Variants in TTC28 observed in about 807,000 individuals in gnomAD.
The protein encoded by TTC28 is tetratricopeptide repeat domain 28, also known as tetratricopeptide repeat protein 28.
Under a neutral mutation model 198.0 loss-of-function variants are expected in TTC28, and 61 were observed. The observed-to-expected ratio is 0.31, with a 90% CI of 0.25 to 0.38. The LOEUF is 0.38. TTC28 is among the 10% of genes least tolerant of loss of function. The pLI, the probability that TTC28 is intolerant of heterozygous loss-of-function variation, is 1.00. For synonymous variants in TTC28, 1,171 were observed against 1,297.8 expected (o/e 0.90, Z 2.10); for missense variants, 2,678 against 3,164.0 (o/e 0.85, Z 3.69).
At chr22:28,077,255 T>A in intron 12 of TTC28, among the ~76,000 whole-genome samples, 1 of 152,220 alleles carries the variant, frequency 6.6e-6, no homozygotes, top group Admixed American at 6.5e-5. Context: ...CTCTTGGATA[T>A]TACACCTCAA....
Position 28,127,634 on chromosome 22 carries a change from A to G in TTC28, c.1442-19231T>C, listed in dbSNP as rs185941333. ...TTTCATATTGATTACATGGTGAAAT[A>G]ATATTTTTATATACTGGGTTAATAA... On this transcript the variant is annotated intron_variant, in intron 6 of 22. Coordinates refer to ENST00000397906, the MANE Select transcript of TTC28 (RefSeq NM_001145418.2). Among the ~76,000 whole-genome samples the G allele has an allele frequency of 6.2e-4, 95 of 152,380 alleles. 1 individual carries two copies. The highest frequency in any genetic ancestry group is 5.4e-3 in the Admixed American group (82 of 15,308).
At chr22:27,993,221 A>G in intron 18 of TTC28, 66 bp downstream of exon 18, 1 of 1,383,530 alleles carries the variant, frequency 7.2e-7, no homozygotes, top group Non-Finnish European at 9.6e-7. Flanking sequence ...GCGGGGCCCA[A>G]GGCCACCAAC....
At chr22:28,017,337 C>A (rs1022414410) in intron 13 of TTC28, among the ~76,000 whole-genome samples, 8 of 152,376 alleles carry the variant, frequency 5.3e-5, no homozygotes, top group Non-Finnish European at 1.2e-4. Context: ...CGTGATGTGC[C>A]AGGCACCATG....
rs1484367116 is a variant in TTC28, at chr22:28,107,482, C to T, written c.2363G>A (p.Ser788Asn). Residue 788 changes from serine to asparagine, a missense_variant, in exon 7 of 23, where the codon AGT (serine) becomes AAT (asparagine). Ser to Asn is a conservative substitution (Grantham distance 46). Around this residue, in one of 8 missense-constraint regions of TTC28, gnomAD observed 775 missense variants for 845.9 expected, o/e 0.92. Coordinates refer to ENST00000397906, the MANE Select transcript of TTC28 (RefSeq NM_001145418.2). ...TQELEVYQEL[S>N]DLPGECRAHG... ...AGCTCTGCACTCCCCTGGCAAGTCA[C>T]TCAGCTCCTGATATACCTCCAGTTC... 1 of 1,551,664 alleles carries T rather than the reference C, an allele frequency of 6.4e-7. No individual in the cohort carries two copies. Among genetic ancestry groups the T allele is most frequent in the Non-Finnish European group, 8.7e-7 (1 of 1,147,028 alleles).
intron 2 of TTC28, among the ~76,000 whole-genome samples, chr22:28,509,551 A>G (rs1431772136): frequency 6.6e-6 from 1 of 152,232 alleles, no homozygotes; most frequent in Non-Finnish European, 1.5e-5. Context: ...AGGGAAATGT[A>G]TAGTATTACA....
intron 2 of TTC28, among the ~76,000 whole-genome samples, chr22:28,401,188 G>GC (rs2046901117): frequency 6.6e-6 from 1 of 151,138 alleles, no homozygotes; most frequent in African/African-American, 2.5e-5. Context: ...AGGAAAAGGA[G>GC]GGGGGGAGGA....
At chr22:28,176,192 A>C (rs1923151125) in intron 5 of TTC28, among the ~76,000 whole-genome samples, 1 of 152,218 alleles carries the variant, frequency 6.6e-6, no homozygotes, top group Non-Finnish European at 1.5e-5. Flanking sequence ...ATGGATAAAG[A>C]AAATGTGGTA....
At chr22:28,127,968 A>T (rs1942958331) in intron 6 of TTC28, among the ~76,000 whole-genome samples, 1 of 150,024 alleles carries the variant, frequency 6.7e-6, no homozygotes, top group Non-Finnish European at 1.5e-5. Context: ...GGCTTAAGTG[A>T]TCCTCCTGCC....
intron 14 of TTC28, among the ~76,000 whole-genome samples, chr22:28,010,881 AC>A (rs1305082184): frequency 6.6e-6 from 1 of 152,102 alleles, no homozygotes; most frequent in Non-Finnish European, 1.5e-5. Flanking sequence ...GCTGCTTTGG[AC>A]CCCATACCAT....
At chr22:28,291,806 T>A (rs1601588792) in intron 5 of TTC28, among the ~76,000 whole-genome samples, 1 of 152,092 alleles carries the variant, frequency 6.6e-6, no homozygotes. Context: ...TATATAACAG[T>A]AGGAAAACAG....
chr22:28,077,051 A>G (rs929180437), intron 12 of TTC28, among the ~76,000 whole-genome samples: 1 of 152,188 alleles, frequency 6.6e-6, no homozygotes, highest in African/African-American at 2.4e-5. Flanking sequence ...CTTATTAATT[A>G]TTATAGTTCT....
intron 8 of TTC28, among the ~76,000 whole-genome samples, chr22:28,103,293 C>T (rs576838235): frequency 6.6e-6 from 1 of 152,278 alleles, no homozygotes; most frequent in East Asian, 1.9e-4. Flanking sequence ...TCTTCATTTG[C>T]AAGAAGAGGA....
chr22:28,535,659 T>G (rs2049250944), intron 2 of TTC28, among the ~76,000 whole-genome samples: 1 of 152,086 alleles, frequency 6.6e-6, no homozygotes, highest in South Asian at 2.1e-4. Flanking sequence ...AGGGGCCTGG[T>G]GGGAGGTGAC....
At chr22:28,384,730 T>G (rs1396068174) in intron 2 of TTC28, among the ~76,000 whole-genome samples, 1 of 152,214 alleles carries the variant, frequency 6.6e-6, no homozygotes, top group Non-Finnish European at 1.5e-5. Context: ...CCATTTCCAC[T>G]ACCACTGCTA....
At chr22:28,670,609 C>A (rs1254991808) in intron 1 of TTC28, among the ~76,000 whole-genome samples, 1 of 151,700 alleles carries the variant, frequency 6.6e-6, no homozygotes, top group Non-Finnish European at 1.5e-5. Flanking sequence ...GTACTTGTGG[C>A]TGTTTTCACT....
At chr22:28,537,330 A>ACATAACATAACATAACAT (rs2049312720) in intron 2 of TTC28, among the ~76,000 whole-genome samples, 1 of 148,680 alleles carries the variant, frequency 6.7e-6, no homozygotes, top group African/African-American at 2.4e-5. Context: ...AAATAAAATA[A>ACATAACATAACATAACAT]AATAAAATAA....
At chr22:28,315,850 T>C (rs1177375913) in intron 2 of TTC28, among the ~76,000 whole-genome samples, 1 of 152,092 alleles carries the variant, frequency 6.6e-6, no homozygotes. Context: ...ACAAAGAGAA[T>C]GAAGGAGCAG....
chr22:28,288,754 A>T (rs1443431841), intron 5 of TTC28, among the ~76,000 whole-genome samples: 1 of 150,470 alleles, frequency 6.6e-6, no homozygotes, highest in South Asian at 2.1e-4. Flanking sequence ...CGGAGCTTGC[A>T]GTGAGCCGAG....
chr22:28,337,054 G>T (rs1357946161), intron 2 of TTC28, among the ~76,000 whole-genome samples: 1 of 151,996 alleles, frequency 6.6e-6, no homozygotes, highest in Non-Finnish European at 1.5e-5. Context: ...TGTTCTCATT[G>T]GTTTCAAAGA....
Sources: allele counts gnomAD v4.1 joint callset (sites outside exome capture counted in the v4.1 genomes callset), GRCh38; gene constraint gnomAD v4.1.1; regional missense constraint gnomAD v4.1.1; transcripts MANE v1.5; gene names NCBI Gene and HGNC (gene_info 2026-07-23, HGNC 2026-07-21).